The following MTMR10 variants were observed in gnomAD, a reference collection of about 807,000 sequenced individuals.
MTMR10 encodes myotubularin related protein 10.
In MTMR10, 56 loss-of-function variants were observed where a neutral mutation model predicts 88.1. The observed-to-expected ratio is 0.64, with a 90% CI of 0.51 to 0.79. The LOEUF (loss-of-function observed/expected upper bound fraction) is 0.79, where lower values mean the gene tolerates loss of function less well. Among genes scored for constraint, MTMR10 ranks in the 30% least tolerant of loss-of-function variants. The pLI, the probability that MTMR10 is intolerant of heterozygous loss-of-function variation, is 0.00. For missense variants in MTMR10, 883 were observed against 924.7 expected (o/e 0.95, Z 0.58); for synonymous variants, 380 against 340.9 (o/e 1.11, Z -1.26).
the MTMR10 span, among the ~76,000 whole-genome samples, chr15:30,924,729 G>A: frequency 6.6e-6 from 1 of 152,142 alleles, no homozygotes. Context: ...CTCCTGCTCT[G>A]GAGGTTCTCA....
chr15:30,962,839 G>A (rs1023264567), intron 6 of MTMR10, among the ~76,000 whole-genome samples: 1 of 152,220 alleles, frequency 6.6e-6, no homozygotes, highest in Non-Finnish European at 1.5e-5. Context: ...GAGAGGCCGG[G>A]GCAGGAAAAG....
intron 14 of MTMR10, among the ~76,000 whole-genome samples, chr15:30,944,537 G>A (rs553363540): frequency 6.7e-6 from 1 of 148,694 alleles, no homozygotes; most frequent in Admixed American, 6.7e-5. Context: ...CTGTGCTCCA[G>A]CCTGGGTGAT....
intron 15 of MTMR10, 34 bp downstream of exon 15, chr15:30,942,856 G>T: frequency 6.5e-7 from 1 of 1,532,318 alleles, no homozygotes; most frequent in Non-Finnish European, 8.8e-7. Flanking sequence ...GGTTACGTGT[G>T]AGCCAACATC....
chr15:30,983,345 C>T (rs2030721210), intron 2 of MTMR10, among the ~76,000 whole-genome samples: 2 of 152,114 alleles, frequency 1.3e-5, no homozygotes, highest in Non-Finnish European at 2.9e-5. Context: ...GGGAGGAAAT[C>T]AAGAAATCCA....
At chr15:30,966,858 C>CTT (rs76851097) in intron 6 of MTMR10, among the ~76,000 whole-genome samples, 3,559 of 131,036 alleles carry the variant, frequency 0.027, 110 homozygotes, top group African/African-American at 0.064. Flanking sequence ...ACTGTATTTT[C>CTT]TTTTTTTTTT....
In MTMR10 at chr15:30,938,968, C is replaced by T; in HGVS notation, c.*2502G>A. 1.0e-6 allele frequency: 1 copy of T among 985,300 alleles called. No individual in the cohort carries two copies. Among genetic ancestry groups the T allele is most frequent in the Non-Finnish European group, 1.2e-6 (1 of 829,858 alleles). 61.0% of individuals were successfully genotyped at this position (985,300 alleles called of 1,614,324 possible). Reference sequence around the variant, plus strand: ...CAGTCGCTGTGGAATTTTATTAAGCCATCAAAATTTCCTTCACATTCAATA... The same window carrying T: ...CAGTCGCTGTGGAATTTTATTAAGCTATCAAAATTTCCTTCACATTCAATA... On this transcript the variant is annotated 3_prime_UTR_variant, in exon 16 of 16. Coordinates refer to ENST00000435680, the MANE Select transcript of MTMR10 (RefSeq NM_017762.3).
chr15:30,946,483 T>C (rs763683810), intron 14 of MTMR10: 11 of 442,110 alleles, frequency 2.5e-5, no homozygotes, highest in Non-Finnish European at 4.0e-5. Context: ...CCCAGGGCCT[T>C]ACGGCTGAGG....
rs373026472 is a variant in MTMR10 at position 30,941,962 on chromosome 15, T to C, written c.1842A>G (p.Pro614=). The C allele has an allele frequency of 4.6e-4, 738 of 1,613,936 alleles. No individual in the cohort carries two copies. The highest frequency in any genetic ancestry group is 6.0e-4 in the Non-Finnish European group (709 of 1,179,914). The change falls in exon 16 of 16, where the codon CCA becomes CCG. Residue 614 remains proline (P), a synonymous_variant. Transcript: ENST00000435680. ...GGCTGTCGGTTTGCTGAGCTGGATC[T>C]GGCTTTGGTTTTAATATCAATGAAT... ...RRNSLILKPK[P]DPAQQTDSQN... is the part of the protein sequence containing the mutation.
At chr15:30,930,498 T>C in the MTMR10 span, 1 of 1,554,952 alleles carries the variant, frequency 6.4e-7, no homozygotes, top group South Asian at 1.2e-5. Context: ...ATTTCCATTC[T>C]CTGTCACGAG....
intron 14 of MTMR10, among the ~76,000 whole-genome samples, chr15:30,945,227 TAGGG>T (rs2063152918): frequency 6.6e-6 from 1 of 151,930 alleles, no homozygotes; most frequent in Non-Finnish European, 1.5e-5. Flanking sequence ...CAGTTCCTGC[TAGGG>T]AGGAAGGGAG....
At position 30,946,551 on chromosome 15, in the gene MTMR10, G is replaced by A. The variant is rs959724902; in HGVS notation, c.1548+579C>T. On this transcript the variant is annotated intron_variant, in intron 14 of 15. Transcript: ENST00000435680. Reference sequence around the variant, plus strand: ...CCTCTTCCTAGAAAGGCTTCCTGAAGGTCCACAAGAGCTGCCCCTTTCTGT... The same window carrying A: ...CCTCTTCCTAGAAAGGCTTCCTGAAAGTCCACAAGAGCTGCCCCTTTCTGT... 5 of 572,010 alleles carry A rather than the reference G, an allele frequency of 8.7e-6. No individual in the cohort carries two copies. The African/African-American group carries it at 9.4e-5, about 11-fold the overall frequency. The allele number at this position is 572,010 out of a possible 1,614,324, so 35.4% of individuals were successfully genotyped here. A position where few individuals can be genotyped will look rare whatever the true frequency, so the allele number is the denominator to read the frequency against.
rs10557815 is a variant in MTMR10 at position 30,952,149 on chromosome 15, CATG to C, written c.1137-114_1137-112del. 8,048 of 892,754 alleles carry C rather than the reference CATG, an allele frequency of 9.0e-3. 330 individuals carry two copies. The African/African-American group carries it at 0.097, about 11-fold the overall frequency. 55.3% of individuals were successfully genotyped at this position (892,754 alleles called of 1,614,324 possible). A position where few individuals can be genotyped will look rare whatever the true frequency, so the allele number is the denominator to read the frequency against. On this transcript the variant is annotated intron_variant, in intron 11 of 15. Transcript: ENST00000435680. Reference sequence around the variant, plus strand: ...TCTCACTTTACAGATGCTCTCTGATCATGATATTCCCATAACTCATGACCCATG... The same window carrying C: ...TCTCACTTTACAGATGCTCTCTGATCATATTCCCATAACTCATGACCCATG...
chr15:30,971,276 A>T (rs1024729874), intron 5 of MTMR10, among the ~76,000 whole-genome samples: 2 of 152,176 alleles, frequency 1.3e-5, no homozygotes, highest in Non-Finnish European at 2.9e-5. Context: ...AAAGAAGTAA[A>T]CTACTTTTAA....
chr15:30,963,709 A>G (rs1210634013), intron 6 of MTMR10, among the ~76,000 whole-genome samples: 1 of 126,188 alleles, frequency 7.9e-6, no homozygotes, highest in African/African-American at 2.9e-5. Flanking sequence ...GCTCATTCTA[A>G]GCCCACATCC....
In MTMR10 at chr15:30,943,029, C is replaced by T. The variant is rs550427691; in HGVS notation, c.1592G>A (p.Gly531Asp). The T allele has an allele frequency of 2.6e-6, 4 of 1,548,594 alleles. No homozygotes were observed. In the African/African-American group the frequency reaches 4.1e-5, roughly 16 times the overall value. The change falls in exon 15 of 16, where the codon GGC becomes GAC. Residue 531 changes from glycine (G) to aspartate (D), a missense_variant. This residue lies in a region of MTMR10 where 343 missense variants were observed against 323.2 expected (regional missense o/e 1.06). Transcript: ENST00000435680. ...SKNIQLGDEK[G>D]LKFPSVWDWS... ...GTCCCAAACAGAGGGGAATTTTAAG[C>T]CCTTCTCATCACCCAATTGGATGTT...
chr15:30,929,339 A>C, the MTMR10 span: 1 of 1,611,804 alleles, frequency 6.2e-7, no homozygotes, highest in Non-Finnish European at 8.5e-7. Context: ...CATGAGCAGG[A>C]AGGCAGAGTG....
At chr15:30,929,426 G>A in the MTMR10 span, 1 of 1,566,164 alleles carries the variant, frequency 6.4e-7, no homozygotes, top group Non-Finnish European at 8.7e-7. Context: ...GGCAGGATTT[G>A]CTCAGAAAGT....
chr15:30,939,549 CA>C lies in MTMR10; in HGVS notation c.*1920del. 2 of 968,642 alleles carry C rather than the reference CA, an allele frequency of 2.1e-6. No homozygotes were observed. The highest frequency in any genetic ancestry group is 2.5e-6 in the Non-Finnish European group (2 of 814,780). 60.0% of individuals were successfully genotyped at this position (968,642 alleles called of 1,614,324 possible). On this transcript the variant is annotated 3_prime_UTR_variant, in exon 16 of 16. Transcript: ENST00000435680. ...GTCCAGCAAAAATAAAAGTATTTTA[CA>C]TTTGATTATCATACAAAAATATGCA...
chr15:30,943,081 T>C lies in MTMR10; in HGVS notation c.1549-9A>G, dbSNP rs747148356. 3.3e-6 allele frequency: 5 copies of C among 1,523,508 alleles called. No individual in the cohort carries two copies. The highest frequency in any genetic ancestry group is 4.4e-6 in the Non-Finnish European group (5 of 1,136,536). 94.4% of individuals were successfully genotyped at this position (1,523,508 alleles called of 1,614,324 possible). A position where few individuals can be genotyped will look rare whatever the true frequency, so the allele number is the denominator to read the frequency against. On this transcript the variant is annotated splice_polypyrimidine_tract_variant and intron_variant, in intron 14 of 15. Transcript: ENST00000435680. ...TTGCTTATAGCAAATTCCTGCAAAATAAATAAATAAATATTTGCAAAACTA... is the reference window on the plus strand; with the variant it reads ...TTGCTTATAGCAAATTCCTGCAAAACAAATAAATAAATATTTGCAAAACTA...
Sources: gnomAD v4.1 joint callset for allele counts (sites outside exome capture counted in the v4.1 genomes callset) on GRCh38, gnomAD v4.1.1 for gene constraint, gnomAD v4.1.1 regional missense constraint, MANE v1.5 for transcripts, NCBI Gene and HGNC (gene_info 2026-07-23, HGNC 2026-07-21) for gene names.